RANBP2: variants seen among roughly 807,000 people sequenced by gnomAD.
The protein encoded by RANBP2 is RAN binding protein 2.
RANBP2 carries 57 observed loss-of-function variants against 303.6 expected under a neutral mutation model. The ratio of observed to expected loss-of-function variants is 0.19; its 90% CI spans 0.15 to 0.23. The LOEUF (loss-of-function observed/expected upper bound fraction) is 0.23, where lower values mean the gene tolerates loss of function less well. Among genes scored for constraint, RANBP2 ranks in the 10% least tolerant of loss-of-function variants. The probability of loss-of-function intolerance (pLI) is 1.00; values close to 1 mark genes in which losing one functional copy is unlikely to be tolerated. For missense variants in RANBP2, 3,138 were observed against 3,780.8 expected (o/e 0.83, Z 4.46); for synonymous variants, 1,167 against 1,301.5 (o/e 0.90, Z 2.23).
At chr2:108,907,865 C>A in the RANBP2 span, 1 of 1,613,542 alleles carries the variant, frequency 6.2e-7, no homozygotes, top group Non-Finnish European at 8.5e-7. Context: ...CTCACCCCGG[C>A]TGACTTGTTG....
the RANBP2 span, chr2:108,906,355 C>T: frequency 3.1e-6 from 5 of 1,614,170 alleles, no homozygotes; most frequent in Non-Finnish European, 4.2e-6. Flanking sequence ...GATCTTTTTC[C>T]TCCGGCTTTG....
the RANBP2 span, among the ~76,000 whole-genome samples, chr2:109,303,450 A>G: frequency 6.7e-3 from 1,022 of 152,308 alleles, 16 homozygotes; most frequent in African/African-American, 0.024. Context: ...AGACTGGTAC[A>G]TGGCAGAACA....
the RANBP2 span, among the ~76,000 whole-genome samples, chr2:109,725,348 G>A: frequency 6.6e-6 from 1 of 152,236 alleles, no homozygotes; most frequent in Non-Finnish European, 1.5e-5. Flanking sequence ...AGAAAGTGGA[G>A]GGGGTGGAAG....
the RANBP2 span, among the ~76,000 whole-genome samples, chr2:109,629,332 TATATATATATATATA>T: frequency 7.8e-5 from 1 of 12,758 alleles, no homozygotes; most frequent in African/African-American, 2.1e-4. Flanking sequence ...TATATATATA[TATATATATATATATA>T]TATATATATT....
the RANBP2 span, among the ~76,000 whole-genome samples, chr2:108,832,039 C>A: frequency 6.7e-6 from 1 of 149,808 alleles, no homozygotes; most frequent in Non-Finnish European, 1.5e-5. Context: ...AGCTTTTTTT[C>A]TCTTTTTTGA....
At chr2:109,131,889 A>G in the RANBP2 span, among the ~76,000 whole-genome samples, 1 of 152,202 alleles carries the variant, frequency 6.6e-6, no homozygotes, top group Admixed American at 6.5e-5. Flanking sequence ...ACTAATAAGC[A>G]GGAGTCCCGC....
the RANBP2 span, among the ~76,000 whole-genome samples, chr2:108,799,437 A>G: frequency 6.6e-6 from 1 of 152,184 alleles, no homozygotes; most frequent in Non-Finnish European, 1.5e-5. Context: ...CAGTTCCCTT[A>G]CGCTCTCTTG....
the RANBP2 span, among the ~76,000 whole-genome samples, chr2:109,120,985 G>A: frequency 4.6e-5 from 7 of 152,286 alleles, no homozygotes; most frequent in South Asian, 2.1e-4. Flanking sequence ...GGTGGCTCAC[G>A]CCTGTAATCC....
At chr2:109,147,270 G>C in the RANBP2 span, among the ~76,000 whole-genome samples, 1 of 152,100 alleles carries the variant, frequency 6.6e-6, no homozygotes, top group Non-Finnish European at 1.5e-5. Context: ...GTAAATATGG[G>C]GGTGTGGGGA....
At chr2:108,771,914 C>A in intron 21 of RANBP2, 43 bp downstream of exon 21, 1 of 1,611,490 alleles carries the variant, frequency 6.2e-7, no homozygotes, top group Non-Finnish European at 8.5e-7. Context: ...TCCCGCTAAT[C>A]TTAGTAAAAT....
chr2:108,938,302 C>T, the RANBP2 span, among the ~76,000 whole-genome samples: 1 of 152,318 alleles, frequency 6.6e-6, no homozygotes, highest in East Asian at 1.9e-4. Flanking sequence ...TTTCTGAACA[C>T]CAACATGGTT....
At chr2:109,449,250 C>T in the RANBP2 span, 2 of 1,612,728 alleles carry the variant, frequency 1.2e-6, no homozygotes, top group African/African-American at 2.7e-5. Context: ...TCCATCCCGC[C>T]TGCCTGCCAC....
chr2:109,249,532 T>TTTCCTTCCTTCCTTCCTTCC, the RANBP2 span, among the ~76,000 whole-genome samples: 16 of 96,494 alleles, frequency 1.7e-4, no homozygotes, highest in Non-Finnish European at 2.6e-4. Context: ...TCTTTCTTTC[T>TTTCCTTCCTTCCTTCCTTCC]TTCCTTCCTT....
At chr2:109,303,369 C>T in the RANBP2 span, among the ~76,000 whole-genome samples, 1 of 152,204 alleles carries the variant, frequency 6.6e-6, no homozygotes, top group Non-Finnish European at 1.5e-5. Context: ...AAGGTGGGCA[C>T]TCCCCACTTT....
the RANBP2 span, among the ~76,000 whole-genome samples, chr2:108,860,030 A>T: frequency 6.6e-6 from 1 of 151,814 alleles, no homozygotes; most frequent in Non-Finnish European, 1.5e-5. Flanking sequence ...TCCTGGTTAG[A>T]TGTATTCCTA....
the RANBP2 span, chr2:108,910,500 A>G: frequency 6.2e-7 from 1 of 1,613,844 alleles, no homozygotes; most frequent in Non-Finnish European, 8.5e-7. Context: ...AGCTTCTCAA[A>G]TTCATCCTTC....
chr2:109,500,576 G>C, the RANBP2 span, among the ~76,000 whole-genome samples: 1 of 152,192 alleles, frequency 6.6e-6, no homozygotes, highest in African/African-American at 2.4e-5. Context: ...GGGCCTTATT[G>C]ATGTTGATGT....
the RANBP2 span, among the ~76,000 whole-genome samples, chr2:109,224,088 A>C: frequency 1.3e-5 from 2 of 152,234 alleles, no homozygotes; most frequent in Non-Finnish European, 2.9e-5. Context: ...GGGTTTACCT[A>C]GCCTCGCCCC....
the RANBP2 span, among the ~76,000 whole-genome samples, chr2:109,034,161 T>C: frequency 6.8e-6 from 1 of 147,808 alleles, no homozygotes; most frequent in African/African-American, 2.5e-5. Context: ...TCCCAGCTAC[T>C]CGGGAGGCTG....
Sources: allele counts gnomAD v4.1 joint callset (sites outside exome capture counted in the v4.1 genomes callset), GRCh38; gene constraint gnomAD v4.1.1; transcripts MANE v1.5; gene names NCBI Gene and HGNC (gene_info 2026-07-23, HGNC 2026-07-21).